The following MTMR3 variants were observed in gnomAD, a reference collection of about 807,000 sequenced individuals.
MTMR3 encodes the protein phosphatidylinositol-3,5-bisphosphate 3-phosphatase MTMR3.
A neutral mutation model predicts 132.4 loss-of-function variants in MTMR3; 32 were observed. The observed-to-expected ratio is 0.24, with a 90% CI of 0.18 to 0.32. MTMR3 has a LOEUF of 0.32. Ranked by LOEUF, MTMR3 falls within the 10% of genes least tolerant of loss-of-function variation. The probability of loss-of-function intolerance (pLI) is 1.00; values close to 1 mark genes in which losing one functional copy is unlikely to be tolerated. For synonymous variants in MTMR3, 556 were observed against 550.3 expected (o/e 1.01, Z -0.14); for missense variants, 1,216 against 1,489.6 (o/e 0.82, Z 3.02).
chr22:29,955,884 T>A (rs2066179577), intron 1 of MTMR3, among the ~76,000 whole-genome samples: 1 of 152,168 alleles, frequency 6.6e-6, no homozygotes, highest in Non-Finnish European at 1.5e-5. Context: ...CCTGAGTAGC[T>A]GGGACTACAG....
intron 14 of MTMR3, 170 bp from the exon 15 acceptor site, chr22:30,016,358 A>C: frequency 1.6e-6 from 1 of 631,338 alleles, no homozygotes; most frequent in East Asian, 2.9e-5. Flanking sequence ...GGGTCCTGGA[A>C]TTGGTGGTGT....
intron 5 of MTMR3, chr22:29,984,332 A>T (rs949684846): frequency 6.6e-6 from 1 of 152,228 alleles, no homozygotes; most frequent in Non-Finnish European, 1.5e-5. Flanking sequence ...AATAATGCAC[A>T]TGTATGCACA....
chr22:29,918,335 A>G (rs1191503766), intron 1 of MTMR3, among the ~76,000 whole-genome samples: 1 of 152,248 alleles, frequency 6.6e-6, no homozygotes, highest in Non-Finnish European at 1.5e-5. Flanking sequence ...TTAAGCAGGC[A>G]TCTCTAAAGT....
intron 16 of MTMR3, chr22:30,018,408 T>G (rs2067655458): frequency 9.3e-6 from 2 of 214,102 alleles, no homozygotes; most frequent in East Asian, 2.2e-4. Context: ...ATGATTTGTC[T>G]TCTGAGGCTT....
intron 3 of MTMR3, among the ~76,000 whole-genome samples, chr22:29,977,407 T>C (rs1412178276): frequency 2.0e-5 from 3 of 152,238 alleles, no homozygotes; most frequent in African/African-American, 7.2e-5. Context: ...AAAATATTAC[T>C]TTTTAATACA....
rs949014102 is a variant in MTMR3 at position 30,027,384 on chromosome 22, C to T, written c.*1583C>T. ...TGCCTGGGTGTGGTTAAGGCGTGGCCCAGAAGGCTTCCCTGGTGCTCTCAG... is the reference window on the plus strand; with the variant it reads ...TGCCTGGGTGTGGTTAAGGCGTGGCTCAGAAGGCTTCCCTGGTGCTCTCAG... On this transcript the variant is annotated 3_prime_UTR_variant, in exon 20 of 20. Transcript: ENST00000401950. 6.5e-6 allele frequency: 1 copy of T among 152,762 alleles called. No homozygotes were observed. The highest frequency in any genetic ancestry group is 1.5e-5 in the Non-Finnish European group (1 of 68,056). 9.5% of individuals were successfully genotyped at this position (152,762 alleles called of 1,614,324 possible).
chr22:29,931,795 T>TTC (rs2065651965), intron 1 of MTMR3, among the ~76,000 whole-genome samples: 1 of 151,918 alleles, frequency 6.6e-6, no homozygotes, highest in Non-Finnish European at 1.5e-5. Flanking sequence ...TTTTTTTTTT[T>TTC]TTAAAGCAGA....
In MTMR3 at chr22:30,019,908, T is replaced by C. The variant is rs754995305; in HGVS notation, c.2249T>C (p.Leu750Pro). The stretch of plus-strand genomic sequence containing the variant: ...GACCCAGAACTGGGTGATGCTGCTC[T>C]GAGGAGCCATCTGGATATGAGCTGG... ...HQDPELGDAA[L>P]RSHLDMSWPL... The change falls in exon 17 of 20, where the codon CTG becomes CCG. Residue 750 changes from leucine to proline, a missense_variant. Around this residue, in one of 7 missense-constraint regions of MTMR3, gnomAD observed 852 missense variants for 852.0 expected, o/e 1.00. Transcript: ENST00000401950. The C allele has an allele frequency of 6.2e-7, 1 of 1,614,198 alleles. No individual in the cohort carries two copies. The highest frequency in any genetic ancestry group is 1.7e-5 in the Admixed American group (1 of 60,028).
At chr22:30,013,201 G>T in intron 13 of MTMR3, 155 bp from the exon 14 acceptor site, 1 of 597,946 alleles carries the variant, frequency 1.7e-6, no homozygotes. Flanking sequence ...CTAAGTGTGT[G>T]CCTCATCAGG....
chr22:29,905,129 A>G (rs1481086419), intron 1 of MTMR3, among the ~76,000 whole-genome samples: 3 of 152,154 alleles, frequency 2.0e-5, no homozygotes, highest in Non-Finnish European at 4.4e-5. Context: ...AAGTCAGCAT[A>G]TATCCTACTA....
At chr22:29,925,371 G>T (rs1005621112) in intron 1 of MTMR3, among the ~76,000 whole-genome samples, 3 of 152,118 alleles carry the variant, frequency 2.0e-5, no homozygotes, top group African/African-American at 7.2e-5. Flanking sequence ...TGTGTGCTAT[G>T]TTCTGTCTGG....
chr22:29,923,303 G>A (rs1490938442), intron 1 of MTMR3, among the ~76,000 whole-genome samples: 1 of 150,876 alleles, frequency 6.6e-6, no homozygotes, highest in East Asian at 1.9e-4. Flanking sequence ...CAATCTCCTG[G>A]CCTTGTGATC....
intron 7 of MTMR3, chr22:29,997,173 C>A (rs1363121145): frequency 6.6e-6 from 1 of 152,192 alleles, no homozygotes; most frequent in Non-Finnish European, 1.5e-5. Flanking sequence ...GTTTTTATTT[C>A]TTCTTGCACC....
intron 1 of MTMR3, among the ~76,000 whole-genome samples, chr22:29,904,487 T>C (rs928327443): frequency 2.0e-5 from 3 of 152,216 alleles, no homozygotes; most frequent in African/African-American, 7.2e-5. Flanking sequence ...CTGTCTGTGA[T>C]CTTGGGGAAG....
intron 5 of MTMR3, chr22:29,980,381 A>C (rs1276658820): frequency 1.3e-5 from 2 of 152,152 alleles, no homozygotes; most frequent in Admixed American, 6.5e-5. Flanking sequence ...AAAGATACAC[A>C]CCAGATTCAT....
At chr22:29,921,708 A>G (rs1390987117) in intron 1 of MTMR3, among the ~76,000 whole-genome samples, 1 of 151,950 alleles carries the variant, frequency 6.6e-6, no homozygotes, top group Admixed American at 6.5e-5. Flanking sequence ...GTCCTTGGCA[A>G]TTACCATTCT....
intron 1 of MTMR3, among the ~76,000 whole-genome samples, chr22:29,949,136 C>T (rs2066014365): frequency 4.9e-5 from 2 of 40,432 alleles, no homozygotes; most frequent in African/African-American, 2.6e-4. Flanking sequence ...CACACACACA[C>T]ACACACACCC....
intron 1 of MTMR3, among the ~76,000 whole-genome samples, chr22:29,932,991 T>C (rs1255279910): frequency 1.3e-5 from 2 of 152,164 alleles, no homozygotes; most frequent in African/African-American, 4.8e-5. Flanking sequence ...TTTTTTGAGA[T>C]GGCGTCTTGC....
At chr22:29,963,608 G>T (rs1029796933) in intron 2 of MTMR3, among the ~76,000 whole-genome samples, 1 of 151,690 alleles carries the variant, frequency 6.6e-6, no homozygotes, top group Non-Finnish European at 1.5e-5. Context: ...GGATGGTCTC[G>T]ATCTCTTGAC....
Sources: allele counts gnomAD v4.1 joint callset (sites outside exome capture counted in the v4.1 genomes callset), GRCh38; gene constraint gnomAD v4.1.1; regional missense constraint gnomAD v4.1.1; transcripts MANE v1.5; gene names NCBI Gene and HGNC (gene_info 2026-07-23, HGNC 2026-07-21).